Variants in SMAD2 observed in about 807,000 individuals in gnomAD.
SMAD2 encodes the protein MAD homolog 2.
SMAD2 carries 8 observed loss-of-function variants against 64.4 expected under a neutral mutation model. That is an observed-to-expected ratio of 0.12 (90% confidence interval 0.07 to 0.22). The LOEUF is 0.22. Ranked by LOEUF, SMAD2 falls within the 10% of genes least tolerant of loss-of-function variation. The probability of loss-of-function intolerance (pLI) is 1.00; values close to 1 mark genes in which losing one functional copy is unlikely to be tolerated. For synonymous variants in SMAD2, 203 were observed against 195.8 expected (o/e 1.04, Z -0.31); for missense variants, 289 against 561.2 (o/e 0.51, Z 4.90).
At chr18:47,911,612 C>G (rs965135764) in intron 1 of SMAD2, among the ~76,000 whole-genome samples, 1 of 152,082 alleles carries the variant, frequency 6.6e-6, no homozygotes, top group African/African-American at 2.4e-5. Context: ...GGTTCAAACA[C>G]TAAAAATTTG....
At position 47,896,745 on chromosome 18, in the gene SMAD2, G is replaced by A; in HGVS notation, c.12C>T (p.Ile4=). The change falls in exon 2 of 11, where the codon ATC becomes ATT. Residue 4 remains isoleucine, a synonymous_variant. Coordinates refer to ENST00000262160, the MANE Select transcript of SMAD2 (RefSeq NM_005901.6). The part of the protein sequence containing the change: MSS[I]LPFTPPVVKR... ...TCACAACTGGCGGCGTGAATGGCAA[G>A]ATGGACGACATGTTCTTACCAAAGG... is the stretch of plus-strand genomic sequence containing the variant. 1.2e-6 allele frequency: 2 copies of A among 1,613,904 alleles called. No individual in the cohort carries two copies. The highest frequency in any genetic ancestry group is 1.1e-5 in the South Asian group (1 of 91,076).
At position 47,828,935 on chromosome 18, in the gene SMAD2, T is replaced by TAAAAAAAAAAA. The variant is rs747216495; in HGVS notation, c.*12881_*12891dup. The TAAAAAAAAAAA allele has an allele frequency of 3.7e-4, 12 of 32,488 alleles. 1 individual carries two copies. Among genetic ancestry groups the TAAAAAAAAAAA allele is most frequent in the African/African-American group, 1.5e-3 (12 of 7,778 alleles). The allele number at this position is 32,488 out of a possible 1,614,324, so 2.0% of individuals were successfully genotyped here. A position where few individuals can be genotyped will look rare whatever the true frequency, so the allele number is the denominator to read the frequency against. ...ACACCCAAGAATGATCAATAAATACTAAAAAAAAAAAAAAAAAAAAAAAAA... is the reference window on the plus strand; with the variant it reads ...ACACCCAAGAATGATCAATAAATACTAAAAAAAAAAAAAAAAAAAAAAAAAAAAAAAAAAAA... On this transcript the variant is annotated 3_prime_UTR_variant, in exon 11 of 11. Transcript: ENST00000262160.
Position 47,930,631 on chromosome 18 carries a change from G to C in SMAD2, c.-324C>G, listed in dbSNP as rs1468662772. Reference sequence around the variant, plus strand: ...AGGGGAGGGAGCCTGGCCGCCGCCCGCGGGGAAGGAGGGGGTGAGGACGCG... The same window carrying C: ...AGGGGAGGGAGCCTGGCCGCCGCCCCCGGGGAAGGAGGGGGTGAGGACGCG... On this transcript the variant is annotated 5_prime_UTR_variant, in exon 1 of 11. Transcript: ENST00000262160. The C allele has an allele frequency of 1.3e-5, 2 of 149,792 alleles. No homozygotes were observed. Among genetic ancestry groups the C allele is most frequent in the East Asian group, 3.9e-4 (2 of 5,068 alleles). The allele number at this position is 149,792 out of a possible 1,614,324, so 9.3% of individuals were successfully genotyped here.
At chr18:47,919,682 C>T (rs575068649) in intron 1 of SMAD2, among the ~76,000 whole-genome samples, 1 of 152,210 alleles carries the variant, frequency 6.6e-6, no homozygotes, top group African/African-American at 2.4e-5. Context: ...AGCCTTCTCT[C>T]CAAAGTGAAC....
intron 1 of SMAD2, among the ~76,000 whole-genome samples, chr18:47,904,375 T>C (rs898271632): frequency 6.6e-6 from 1 of 151,678 alleles, no homozygotes; most frequent in Non-Finnish European, 1.5e-5. Context: ...GTTGGGGGAT[T>C]TGTGGAGCAA....
chr18:47,918,197 G>A (rs760118329), intron 1 of SMAD2, among the ~76,000 whole-genome samples: 55 of 152,188 alleles, frequency 3.6e-4, no homozygotes, highest in Admixed American at 2.3e-3. Context: ...TTTACTTTCT[G>A]CAAAGGGGAA....
intron 6 of SMAD2, among the ~76,000 whole-genome samples, chr18:47,856,889 G>C (rs1420874212): frequency 8.2e-6 from 1 of 122,662 alleles, no homozygotes; most frequent in African/African-American, 3.1e-5. Context: ...ACGGAGTCTC[G>C]CTCTGTCGCC....
chr18:47,878,232 T>A (rs1787199), intron 2 of SMAD2: 61,146 of 152,012 alleles, frequency 0.4, 13,087 homozygotes, highest in East Asian at 0.59. Flanking sequence ...AACAGAATTT[T>A]AAAAAATAAA....
chr18:47,823,800 A>G lies in SMAD2; in HGVS notation c.*18027T>C, dbSNP rs1474798439. The G allele has an allele frequency of 6.6e-6, 1 of 152,230 alleles. No homozygotes were observed. Among genetic ancestry groups the G allele is most frequent in the East Asian group, 1.9e-4 (1 of 5,202 alleles). The allele number at this position is 152,230 out of a possible 1,614,324, so 9.4% of individuals were successfully genotyped here. A position where few individuals can be genotyped will look rare whatever the true frequency, so the allele number is the denominator to read the frequency against. ...CCATTATGCAAACTGGGATTGTCAC[A>G]TTACTATTAATTTTGTGTATTTCCT... On this transcript the variant is annotated 3_prime_UTR_variant, in exon 11 of 11. Transcript: ENST00000262160.
rs1293386891 is a variant in SMAD2, at chr18:47,850,841, A to AATATATG, written c.784+432_784+433insCATATAT. ...ATTATATATTATATATATTATGTATATTATATATTATATATATTATATATA... is the reference window on the plus strand; with the variant it reads ...ATTATATATTATATATATTATGTATAATATATGTTATATATTATATATATTATATATA... On this transcript the variant is annotated intron_variant, in intron 7 of 10. Transcript: ENST00000262160. 1.0e-4 allele frequency among the ~76,000 whole-genome samples: 2 copies of AATATATG among 19,214 alleles called. 1 individual carries two copies. The highest frequency in any genetic ancestry group is 9.1e-4 in the African/African-American group (2 of 2,206). 12.6% of individuals were successfully genotyped at this position (19,214 alleles called of 152,430 possible). A position where few individuals can be genotyped will look rare whatever the true frequency, so the allele number is the denominator to read the frequency against.
chr18:47,913,769 T>C (rs2034232809), intron 1 of SMAD2, among the ~76,000 whole-genome samples: 1 of 152,234 alleles, frequency 6.6e-6, no homozygotes, highest in East Asian at 1.9e-4. Flanking sequence ...ATGAGTCATT[T>C]ACAGAATATA....
chr18:47,907,161 G>A (rs7228619), intron 1 of SMAD2, among the ~76,000 whole-genome samples: 1 of 152,070 alleles, frequency 6.6e-6, no homozygotes. Flanking sequence ...GTTAAACATA[G>A]ATCTACCCTG....
chr18:47,900,872 T>C (rs1231777200), intron 1 of SMAD2, among the ~76,000 whole-genome samples: 1 of 152,226 alleles, frequency 6.6e-6, no homozygotes, highest in African/African-American at 2.4e-5. Flanking sequence ...TAGTGTTTTA[T>C]TTCTAGGCAG....
At chr18:47,893,341 C>G (rs1033095771) in intron 2 of SMAD2, among the ~76,000 whole-genome samples, 20 of 152,182 alleles carry the variant, frequency 1.3e-4, no homozygotes, top group Non-Finnish European at 4.4e-5. Flanking sequence ...TTTAACCCCA[C>G]TCTAATATTA....
At chr18:47,884,682 C>T (rs979138629) in intron 2 of SMAD2, among the ~76,000 whole-genome samples, 1 of 152,044 alleles carries the variant, frequency 6.6e-6, no homozygotes, top group Non-Finnish European at 1.5e-5. Flanking sequence ...GCTTAGGTTT[C>T]CAAATATTAA....
intron 2 of SMAD2, among the ~76,000 whole-genome samples, chr18:47,873,202 T>C (rs1176760608): frequency 6.6e-6 from 1 of 152,092 alleles, no homozygotes; most frequent in African/African-American, 2.4e-5. Context: ...TGGGAAATCC[T>C]AGAACCAATC....
chr18:47,830,294 C>G lies in SMAD2; in HGVS notation c.*11533G>C, dbSNP rs1469732148. 6.6e-6 allele frequency: 1 copy of G among 152,008 alleles called. No homozygotes were observed. Among genetic ancestry groups the G allele is most frequent in the Non-Finnish European group, 1.5e-5 (1 of 68,000 alleles). 9.4% of individuals were successfully genotyped at this position (152,008 alleles called of 1,614,324 possible). The stretch of plus-strand genomic sequence containing the variant: ...TAAGCTGGCTTAAATTTTCACTTTT[C>G]AGCCAGGCATGATGGCTCACGCCTG... On this transcript the variant is annotated 3_prime_UTR_variant, in exon 11 of 11. Transcript: ENST00000262160.
At chr18:47,864,585 T>C (rs746710859) in intron 6 of SMAD2, among the ~76,000 whole-genome samples, 1 of 152,174 alleles carries the variant, frequency 6.6e-6, no homozygotes, top group East Asian at 1.9e-4. Flanking sequence ...TCATCACTTT[T>C]TGGAGTTGAT....
intron 6 of SMAD2, chr18:47,853,462 T>G (rs1598770332): frequency 4.8e-6 from 1 of 206,334 alleles, no homozygotes; most frequent in South Asian, 2.0e-4. Context: ...AGGCGGAGGT[T>G]GCAGTGAGCT....
Sources: allele counts gnomAD v4.1 joint callset (sites outside exome capture counted in the v4.1 genomes callset), GRCh38; gene constraint gnomAD v4.1.1; transcripts MANE v1.5; gene names NCBI Gene and HGNC (gene_info 2026-07-23, HGNC 2026-07-21).